Variants in PTPRT observed in about 807,000 individuals in gnomAD.
PTPRT encodes the protein protein tyrosine phosphatase receptor type T, also known as receptor-type tyrosine-protein phosphatase T.
A neutral mutation model predicts 176.8 loss-of-function variants in PTPRT; 56 were observed. That is an observed-to-expected ratio of 0.32 (90% CI 0.26 to 0.40). The LOEUF is 0.40. Ranked by LOEUF, PTPRT falls within the 10% of genes least tolerant of loss-of-function variation. The pLI is 1.00. For synonymous variants in PTPRT, 783 were observed against 739.0 expected (o/e 1.06, Z -0.96); for missense variants, 1,540 against 1,908.2 (o/e 0.81, Z 3.60).
intron 6 of PTPRT, among the ~76,000 whole-genome samples, chr20:42,716,125 T>G (rs546356222): frequency 3.6e-4 from 55 of 152,246 alleles, no homozygotes; most frequent in African/African-American, 1.1e-3. Context: ...AAAAAGAGCA[T>G]AGATCTGAGC....
chr20:42,448,460 G>T, intron 8 of PTPRT, 131 bp from the exon 9 acceptor site: 1 of 669,950 alleles, frequency 1.5e-6, no homozygotes. Context: ...CTGATGGGCT[G>T]TACGTTCTCT....
intron 13 of PTPRT, among the ~76,000 whole-genome samples, chr20:42,259,275 C>T (rs996035177): frequency 3.9e-5 from 6 of 152,168 alleles, no homozygotes; most frequent in Admixed American, 1.3e-4. Context: ...TGATAGAGAA[C>T]GTCTTCTGGA....
At chr20:42,988,312 C>T (rs1429987140) in intron 1 of PTPRT, among the ~76,000 whole-genome samples, 1 of 152,206 alleles carries the variant, frequency 6.6e-6, no homozygotes, top group East Asian at 1.9e-4. Context: ...ATTTAATGTT[C>T]TTCCCCATTC....
intron 15 of PTPRT, among the ~76,000 whole-genome samples, chr20:42,201,708 C>T (rs1369634472): frequency 7.6e-6 from 1 of 131,834 alleles, no homozygotes; most frequent in East Asian, 2.2e-4. Context: ...CATAGACAAC[C>T]TGACAGGGAG....
chr20:42,498,228 A>C (rs1219986016), intron 7 of PTPRT, among the ~76,000 whole-genome samples: 1 of 152,144 alleles, frequency 6.6e-6, no homozygotes, highest in Non-Finnish European at 1.5e-5. Context: ...TAAGCCCCCC[A>C]GTCAACTGAA....
At chr20:42,374,174 C>A (rs1355369115) in intron 9 of PTPRT, among the ~76,000 whole-genome samples, 1 of 152,228 alleles carries the variant, frequency 6.6e-6, no homozygotes, top group Non-Finnish European at 1.5e-5. Context: ...AGCATCACTG[C>A]CATAGCCCAT....
chr20:43,112,599 C>T (rs2012909042), intron 1 of PTPRT, among the ~76,000 whole-genome samples: 1 of 152,196 alleles, frequency 6.6e-6, no homozygotes. Flanking sequence ...AAAGTAAGAT[C>T]TTTGTGCATT....
intron 12 of PTPRT, among the ~76,000 whole-genome samples, chr20:42,294,456 A>G (rs1053236520): frequency 6.6e-6 from 1 of 152,134 alleles, no homozygotes; most frequent in Non-Finnish European, 1.5e-5. Flanking sequence ...AATAAAAACA[A>G]AAAGTCAGAA....
intron 2 of PTPRT, among the ~76,000 whole-genome samples, chr20:42,834,832 A>G (rs2078153782): frequency 6.6e-6 from 1 of 152,194 alleles, no homozygotes; most frequent in Non-Finnish European, 1.5e-5. Flanking sequence ...AAGGAGGGAA[A>G]GTTACTCCAT....
At chr20:43,118,414 CG>C (rs2013135154) in intron 1 of PTPRT, among the ~76,000 whole-genome samples, 3 of 152,108 alleles carry the variant, frequency 2.0e-5, no homozygotes, top group Admixed American at 2.0e-4. Context: ...ATCCTCCTCA[CG>C]GGTCGATGAA....
intron 6 of PTPRT, among the ~76,000 whole-genome samples, chr20:42,690,385 T>C (rs1040562047): frequency 6.6e-6 from 1 of 151,830 alleles, no homozygotes; most frequent in Non-Finnish European, 1.5e-5. Flanking sequence ...AGGAAAGAAA[T>C]GATGGAGGCA....
intron 11 of PTPRT, among the ~76,000 whole-genome samples, chr20:42,327,126 A>G (rs982436598): frequency 1.3e-5 from 2 of 151,552 alleles, no homozygotes; most frequent in African/African-American, 2.4e-5. Flanking sequence ...ACAGAGAGAG[A>G]GAAACATATA....
At chr20:42,183,454 C>G (rs957356518) in intron 16 of PTPRT, among the ~76,000 whole-genome samples, 27 of 152,156 alleles carry the variant, frequency 1.8e-4, no homozygotes, top group African/African-American at 6.5e-4. Context: ...TTTATACTCA[C>G]AAGGAATTGT....
At chr20:42,467,250 C>T (rs1385665192) in intron 8 of PTPRT, among the ~76,000 whole-genome samples, 2 of 152,256 alleles carry the variant, frequency 1.3e-5, no homozygotes, top group African/African-American at 4.8e-5. Context: ...GAATACAATA[C>T]TCATTCCATC....
At chr20:42,680,718 G>T (rs2075588164) in intron 6 of PTPRT, among the ~76,000 whole-genome samples, 2 of 152,152 alleles carry the variant, frequency 1.3e-5, no homozygotes, top group South Asian at 4.1e-4. Flanking sequence ...ATGGTTTTCT[G>T]CTCTCCTATT....
intron 7 of PTPRT, among the ~76,000 whole-genome samples, chr20:42,486,804 A>G (rs934065234): frequency 1.3e-5 from 2 of 152,108 alleles, no homozygotes; most frequent in East Asian, 3.9e-4. Flanking sequence ...AGTTCTTTCC[A>G]TGATGAATGC....
intron 29 of PTPRT, among the ~76,000 whole-genome samples, chr20:42,082,575 A>G (rs1237265785): frequency 6.6e-6 from 1 of 152,170 alleles, no homozygotes; most frequent in Non-Finnish European, 1.5e-5. Flanking sequence ...GGAGGTAGGA[A>G]CTTGGAGGGA....
chr20:42,164,890 C>A (rs891610694), intron 16 of PTPRT, among the ~76,000 whole-genome samples: 2 of 152,150 alleles, frequency 1.3e-5, no homozygotes, highest in Non-Finnish European at 2.9e-5. Flanking sequence ...TCCTCACCAG[C>A]CCCTTAATTC....
In PTPRT at chr20:43,159,684, A is replaced by G. The variant is rs532082208; in HGVS notation, c.88+29962T>C. 1.5e-4 allele frequency among the ~76,000 whole-genome samples: 23 copies of G among 152,332 alleles called. No homozygotes were observed. The South Asian group carries it at 4.8e-3, about 32-fold the overall frequency. Reference sequence around the variant, plus strand: ...TTTTACAACATTGTTCTCTGGCTGCAGAGCACTCCTTCCATATAATATACT... The same window carrying G: ...TTTTACAACATTGTTCTCTGGCTGCGGAGCACTCCTTCCATATAATATACT... On this transcript the variant is annotated intron_variant, in intron 1 of 30. Transcript: ENST00000373187.
Sources: allele counts gnomAD v4.1 joint callset (sites outside exome capture counted in the v4.1 genomes callset), GRCh38; gene constraint gnomAD v4.1.1; transcripts MANE v1.5; gene names NCBI Gene and HGNC (gene_info 2026-07-23, HGNC 2026-07-21).